The following PSD3 variants were observed in gnomAD, a reference collection of about 807,000 sequenced individuals.
The protein encoded by PSD3 is pleckstrin and Sec7 domain containing 3.
In PSD3, 49 loss-of-function variants were observed where a neutral mutation model predicts 105.5. The observed-to-expected ratio is 0.46, with a 90% CI of 0.37 to 0.59. The LOEUF (loss-of-function observed/expected upper bound fraction) is 0.59, where lower values mean the gene tolerates loss of function less well. Ranked by LOEUF, PSD3 falls within the 20% of genes least tolerant of loss-of-function variation. PSD3 has a pLI of 0.00. For synonymous variants in PSD3, 557 were observed against 457.8 expected (o/e 1.22, Z -2.77); for missense variants, 1,561 against 1,263.8 (o/e 1.24, Z -3.57).
chr8:18,881,635 C>T (rs1432007104), intron 2 of PSD3, among the ~76,000 whole-genome samples: 1 of 152,074 alleles, frequency 6.6e-6, no homozygotes, highest in Non-Finnish European at 1.5e-5. Flanking sequence ...ATGGCAGTCA[C>T]ATCTATGCCT....
At position 18,986,901 on chromosome 8, in the gene PSD3, T is replaced by TG. The variant is rs1825526941; in HGVS notation, c.21+26661dup. On this transcript the variant is annotated intron_variant, in intron 1 of 15. Transcript: ENST00000327040. ...TCACTTTTCTGGACCTCACACACCG[T>TG]GGGCCTACTTTAACCCATTTATGCT... Among the ~76,000 whole-genome samples, 17 of 152,238 alleles carry TG rather than the reference T, an allele frequency of 1.1e-4. No homozygotes were observed. The South Asian group carries it at 3.5e-3, about 32-fold the overall frequency.
chr8:18,674,717 AG>A (rs1257392511), intron 9 of PSD3, among the ~76,000 whole-genome samples: 1 of 152,188 alleles, frequency 6.6e-6, no homozygotes, highest in Non-Finnish European at 1.5e-5. Flanking sequence ...GTATTAAGAA[AG>A]AAGTGTGGCC....
intron 9 of PSD3, among the ~76,000 whole-genome samples, chr8:18,658,373 T>C (rs1236620205): frequency 5.3e-5 from 8 of 152,222 alleles, no homozygotes; most frequent in Admixed American, 5.2e-4. Context: ...TGAATTCCCT[T>C]GATTCTTCTT....
intron 1 of PSD3, among the ~76,000 whole-genome samples, chr8:19,056,104 C>T (rs1214485716): frequency 5.9e-5 from 9 of 152,206 alleles, no homozygotes; most frequent in Admixed American, 5.9e-4. Context: ...CTTTTAATCT[C>T]ATTGAAATGC....
At chr8:18,587,933 T>C (rs1411982374) in intron 12 of PSD3, among the ~76,000 whole-genome samples, 1 of 152,146 alleles carries the variant, frequency 6.6e-6, no homozygotes, top group Non-Finnish European at 1.5e-5. Context: ...CACATGCTGG[T>C]AGATTAGGCT....
intron 10 of PSD3, among the ~76,000 whole-genome samples, chr8:18,636,385 G>GT (rs1807259098): frequency 1.3e-5 from 2 of 151,504 alleles, no homozygotes; most frequent in South Asian, 4.1e-4. Context: ...GTTTTAAGCT[G>GT]TTATTACCAA....
At chr8:19,081,478 C>G (rs1240528775) in intron 1 of PSD3, among the ~76,000 whole-genome samples, 2 of 152,222 alleles carry the variant, frequency 1.3e-5, no homozygotes, top group African/African-American at 4.8e-5. Flanking sequence ...CTGCTTCATC[C>G]TAGTCCCATG....
At chr8:18,895,763 A>G (rs12546689) in intron 2 of PSD3, among the ~76,000 whole-genome samples, 7,143 of 152,344 alleles carry the variant, frequency 0.047, 201 homozygotes, top group South Asian at 0.081. Context: ...AGTAATTAGC[A>G]TATCTAACAC....
chr8:18,830,094 A>G (rs1047725565), intron 4 of PSD3, among the ~76,000 whole-genome samples: 1 of 152,080 alleles, frequency 6.6e-6, no homozygotes, highest in Non-Finnish European at 1.5e-5. Flanking sequence ...CAGCCTCCCG[A>G]GTAGCTGGGA....
At chr8:18,739,425 G>A (rs538248766) in intron 9 of PSD3, among the ~76,000 whole-genome samples, 2 of 152,266 alleles carry the variant, frequency 1.3e-5, no homozygotes, top group South Asian at 4.1e-4. Flanking sequence ...TGTAAATACA[G>A]TGCCTTTGTC....
intron 7 of PSD3, among the ~76,000 whole-genome samples, chr8:18,800,475 T>C (rs11786921): frequency 0.37 from 56,097 of 152,102 alleles, 11,541 homozygotes; most frequent in Non-Finnish European, 0.46. Flanking sequence ...GTAATTACTA[T>C]TTCTTGGGAA....
intron 1 of PSD3, among the ~76,000 whole-genome samples, chr8:19,005,077 A>C (rs1352514608): frequency 6.6e-6 from 1 of 152,074 alleles, no homozygotes; most frequent in Non-Finnish European, 1.5e-5. Context: ...ATCATTAGTC[A>C]TTAGAGAAAC....
chr8:19,005,866 A>T (rs1433110687), intron 1 of PSD3, among the ~76,000 whole-genome samples: 1 of 151,830 alleles, frequency 6.6e-6, no homozygotes, highest in African/African-American at 2.4e-5. Context: ...ACATACTAAA[A>T]ATCAATGAGT....
At chr8:18,856,495 C>T (rs1816018226) in intron 4 of PSD3, among the ~76,000 whole-genome samples, 1 of 152,178 alleles carries the variant, frequency 6.6e-6, no homozygotes, top group Non-Finnish European at 1.5e-5. Context: ...ATACTACGTG[C>T]TGAATCCTCA....
intron 1 of PSD3, among the ~76,000 whole-genome samples, chr8:18,950,327 T>A (rs1391711030): frequency 2.0e-5 from 3 of 152,208 alleles, no homozygotes; most frequent in African/African-American, 7.2e-5. Context: ...CCTTAACACA[T>A]CCATCACCTC....
intron 9 of PSD3, among the ~76,000 whole-genome samples, chr8:18,730,532 A>C (rs1242819473): frequency 6.6e-6 from 1 of 152,214 alleles, no homozygotes; most frequent in African/African-American, 2.4e-5. Context: ...CTCTGAGGAA[A>C]GATAAAGAAA....
intron 14 of PSD3, among the ~76,000 whole-genome samples, chr8:18,556,798 T>C (rs937819202): frequency 2.0e-5 from 3 of 152,250 alleles, no homozygotes; most frequent in East Asian, 1.9e-4. Flanking sequence ...TCTATGTGCA[T>C]ATTTTTTTTC....
chr8:18,959,720 A>C (rs989436258), intron 1 of PSD3, among the ~76,000 whole-genome samples: 10 of 152,202 alleles, frequency 6.6e-5, no homozygotes, highest in African/African-American at 1.7e-4. Flanking sequence ...AGAATTAGCC[A>C]GACCTCCCCA....
At chr8:18,808,946 T>A (rs981802973) in intron 4 of PSD3, 115 of 1,447,954 alleles carry the variant, frequency 7.9e-5, no homozygotes, top group Non-Finnish European at 8.3e-5. Context: ...AGCCGAGTGT[T>A]CATTGTTGCG....
Sources: allele counts gnomAD v4.1 joint callset (sites outside exome capture counted in the v4.1 genomes callset), GRCh38; gene constraint gnomAD v4.1.1; transcripts MANE v1.5; gene names NCBI Gene and HGNC (gene_info 2026-07-23, HGNC 2026-07-21).